The following CDCP1 variants were observed in gnomAD, a reference collection of about 807,000 sequenced individuals.
CDCP1 encodes CUB domain-containing protein 1.
CDCP1 carries 29 observed loss-of-function variants against 60.2 expected under a neutral mutation model. That is an observed-to-expected ratio of 0.48 (90% confidence interval 0.36 to 0.66). The LOEUF is 0.66. CDCP1 is among the 30% of genes least tolerant of loss of function. The pLI is 0.00. For missense variants in CDCP1, 876 were observed against 1,074.3 expected (o/e 0.82, Z 2.58); for synonymous variants, 387 against 431.1 (o/e 0.90, Z 1.27).
At chr3:45,126,115 T>TTTCCTTCTTTCTTTCC (rs57366030) in intron 1 of CDCP1, among the ~76,000 whole-genome samples, 1 of 113,816 alleles carries the variant, frequency 8.8e-6, no homozygotes, top group Non-Finnish European at 1.8e-5. Flanking sequence ...TCTCTCTTTC[T>TTTCCTTCTTTCTTTCC]TTCTTTCTTT....
chr3:45,120,752 C>T (rs2126001300), intron 1 of CDCP1, among the ~76,000 whole-genome samples: 1 of 152,300 alleles, frequency 6.6e-6, no homozygotes, highest in South Asian at 2.1e-4. Context: ...CTTGAACACA[C>T]CAACCTCTTT....
rs1466515863 is a variant in CDCP1, at chr3:45,082,387, T to C, written c.*3251A>G. The C allele has an allele frequency of 1.3e-5, 2 of 152,244 alleles. No individual in the cohort carries two copies. Among genetic ancestry groups the C allele is most frequent in the Non-Finnish European group, 2.9e-5 (2 of 68,062 alleles). The allele number at this position is 152,244 out of a possible 1,614,324, so 9.4% of individuals were successfully genotyped here. ...ACTTGTATCCCAAAGCCTGGCTTTCTGTATCATCCACAAATTAAGACAGCA... is the reference window on the plus strand; with the variant it reads ...ACTTGTATCCCAAAGCCTGGCTTTCCGTATCATCCACAAATTAAGACAGCA... On this transcript the variant is annotated 3_prime_UTR_variant, in exon 9 of 9. Transcript: ENST00000296129.
intron 3 of CDCP1, among the ~76,000 whole-genome samples, chr3:45,111,495 G>A (rs1247242409): frequency 1.3e-5 from 2 of 152,064 alleles, no homozygotes; most frequent in African/African-American, 4.8e-5. Flanking sequence ...GGCCAACATG[G>A]TGAAACCCCG....
chr3:45,124,246 T>A (rs928582793), intron 1 of CDCP1, among the ~76,000 whole-genome samples: 1 of 152,226 alleles, frequency 6.6e-6, no homozygotes, highest in African/African-American at 2.4e-5. Flanking sequence ...TTCCAGGTGA[T>A]AAACACCGGA....
At chr3:45,118,705 G>C (rs1698834423) in intron 1 of CDCP1, 84 bp from the exon 2 acceptor site, 1 of 1,055,958 alleles carries the variant, frequency 9.5e-7, no homozygotes, top group Non-Finnish European at 1.4e-6. Context: ...CTGGTTCAGA[G>C]AGGATGTCCT....
chr3:45,117,184 C>T (rs189209846), intron 2 of CDCP1, among the ~76,000 whole-genome samples: 34 of 152,276 alleles, frequency 2.2e-4, no homozygotes, highest in Admixed American at 5.9e-4. Context: ...CTTGTTAATA[C>T]ATCTATTCAT....
chr3:45,138,459 G>A (rs940738469), intron 1 of CDCP1, among the ~76,000 whole-genome samples: 1 of 152,212 alleles, frequency 6.6e-6, no homozygotes, highest in African/African-American at 2.4e-5. Flanking sequence ...ATATCTAAAT[G>A]TTCTTCTTGG....
At chr3:45,130,124 C>CT (rs11351394) in intron 1 of CDCP1, among the ~76,000 whole-genome samples, 1,610 of 144,560 alleles carry the variant, frequency 0.011, 26 homozygotes, top group African/African-American at 0.032. Flanking sequence ...AATAAAACAA[C>CT]TTTTTTTTTT....
chr3:45,138,548 A>C (rs1699228406), intron 1 of CDCP1, among the ~76,000 whole-genome samples: 1 of 152,248 alleles, frequency 6.6e-6, no homozygotes, highest in Admixed American at 6.5e-5. Context: ...TAATTGATAA[A>C]GAAAAGAGGT....
intron 4 of CDCP1, among the ~76,000 whole-genome samples, chr3:45,107,376 T>C (rs1352814014): frequency 6.6e-6 from 1 of 152,018 alleles, no homozygotes; most frequent in African/African-American, 2.4e-5. Context: ...CCGGCTAATT[T>C]TTTGTATTTT....
chr3:45,143,430 T>C lies in CDCP1; in HGVS notation c.82+2776A>G, dbSNP rs78261098. 7.7e-3 allele frequency among the ~76,000 whole-genome samples: 1,168 copies of C among 152,290 alleles called. 15 individuals carry two copies. Among genetic ancestry groups the C allele is most frequent in the African/African-American group, 0.026 (1,091 of 41,552 alleles). On this transcript the variant is annotated intron_variant, in intron 1 of 8. Coordinates refer to ENST00000296129, the MANE Select transcript of CDCP1 (RefSeq NM_022842.5). The stretch of plus-strand genomic sequence containing the variant: ...AAGCAGCTGGCTATTGTTGGACGTG[T>C]TCTATTTTTAATAAGAAAAACTGGA...
intron 4 of CDCP1, 40 bp downstream of exon 4, chr3:45,110,433 T>G (rs762637396): frequency 6.2e-7 from 1 of 1,603,246 alleles, no homozygotes. Flanking sequence ...ACAACGAAGG[T>G]GCTGGAGGAG....
intron 7 of CDCP1, among the ~76,000 whole-genome samples, chr3:45,089,987 G>C (rs1358660024): frequency 6.6e-6 from 1 of 152,232 alleles, no homozygotes; most frequent in Non-Finnish European, 1.5e-5. Context: ...CAGCGAATTA[G>C]AATGTCTTGC....
chr3:45,088,820 C>T (rs1429713221), intron 8 of CDCP1, among the ~76,000 whole-genome samples: 1 of 152,112 alleles, frequency 6.6e-6, no homozygotes, highest in East Asian at 1.9e-4. Flanking sequence ...GCAGCTGCAC[C>T]ATGAACTACA....
At chr3:45,098,259 C>T (rs576748284) in intron 4 of CDCP1, among the ~76,000 whole-genome samples, 2 of 152,136 alleles carry the variant, frequency 1.3e-5, no homozygotes, top group East Asian at 1.9e-4. Flanking sequence ...ACTGCGGTGG[C>T]GTGATCATAG....
At chr3:45,113,159 A>G (rs951863634) in intron 2 of CDCP1, among the ~76,000 whole-genome samples, 2 of 152,210 alleles carry the variant, frequency 1.3e-5, no homozygotes, top group African/African-American at 4.8e-5. Context: ...TCCATCCTTT[A>G]AAACTGGTTT....
intron 7 of CDCP1, among the ~76,000 whole-genome samples, chr3:45,090,882 A>C (rs1469918608): frequency 6.7e-6 from 1 of 150,146 alleles, no homozygotes. Flanking sequence ...AGATCAGCAA[A>C]GTCCTCTAGC....
At position 45,093,564 on chromosome 3, in the gene CDCP1, G is replaced by C; in HGVS notation, c.1340C>G (p.Ser447Cys). The change falls in exon 6 of 9, where the codon TCC becomes TGC. Residue 447 changes from serine to cysteine, a missense_variant. Ser to Cys is a moderately radical substitution (Grantham distance 112). This residue lies in a region of CDCP1 where 726 missense variants were observed against 935.7 expected (regional missense o/e 0.78). Coordinates refer to ENST00000296129, the MANE Select transcript of CDCP1 (RefSeq NM_022842.5). ...LHLPVELHDFSWKLLVPKDRL... is the reference protein window; with the variant it reads ...LHLPVELHDFCWKLLVPKDRL... ...GTCCTTGGGCACCAGCAGCTTCCAG[G>C]AGAAGTCATGCAGCTCCACAGGCAG... 2 of 1,614,248 alleles carry C rather than the reference G, an allele frequency of 1.2e-6. No individual in the cohort carries two copies. Among genetic ancestry groups the C allele is most frequent in the Non-Finnish European group, 1.7e-6 (2 of 1,180,040 alleles).
intron 4 of CDCP1, among the ~76,000 whole-genome samples, chr3:45,096,623 CAAAAAAAAAAAA>C (rs5848726): frequency 3.8e-5 from 2 of 53,184 alleles, no homozygotes; most frequent in South Asian, 2.7e-3. Context: ...GACTCCGTCT[CAAAAAAAAAAAA>C]AAAAAAAAAA....
Sources: allele counts gnomAD v4.1 joint callset (sites outside exome capture counted in the v4.1 genomes callset), GRCh38; gene constraint gnomAD v4.1.1; regional missense constraint gnomAD v4.1.1; transcripts MANE v1.5; gene names NCBI Gene and HGNC (gene_info 2026-07-23, HGNC 2026-07-21).